NDUFA10: variants seen among roughly 807,000 people sequenced by gnomAD.
NDUFA10 encodes the protein NADH:ubiquinone oxidoreductase subunit A10.
Under a neutral mutation model 47.8 loss-of-function variants are expected in NDUFA10, and 40 were observed. That is an observed-to-expected ratio of 0.84 (90% confidence interval 0.65 to 1.09). The LOEUF (loss-of-function observed/expected upper bound fraction) is 1.09, where lower values mean the gene tolerates loss of function less well. Ranked by LOEUF, NDUFA10 falls within the 50% of genes least tolerant of loss-of-function variation. The pLI is 0.00. For missense variants in NDUFA10, 413 were observed against 451.1 expected, an observed-to-expected ratio of 0.92 and a Z score of 0.76; for synonymous variants, 183 against 172.2, an observed-to-expected ratio of 1.06 and a Z score of -0.49.
intron 9 of NDUFA10, among the ~76,000 whole-genome samples, chr2:239,982,385 T>C (rs1695814842): frequency 6.6e-6 from 1 of 152,272 alleles, no homozygotes; most frequent in South Asian, 2.1e-4. Flanking sequence ...AACGTGTAAT[T>C]ATAGAAAACA....
chr2:239,943,630 G>C (rs778077684), intron 4 of NDUFA10, among the ~76,000 whole-genome samples: 1 of 152,132 alleles, frequency 6.6e-6, no homozygotes, highest in Non-Finnish European at 1.5e-5. Context: ...TGCTGTCTTT[G>C]ACATTTTTTT....
intron 4 of NDUFA10, among the ~76,000 whole-genome samples, chr2:239,914,591 ACAT>A (rs1693812184): frequency 6.8e-6 from 1 of 147,144 alleles, no homozygotes; most frequent in African/African-American, 2.7e-5. Context: ...ACACATACAT[ACAT>A]AGACACACAC....
At chr2:239,904,693 G>A (rs939402249) in intron 4 of NDUFA10, among the ~76,000 whole-genome samples, 4 of 152,206 alleles carry the variant, frequency 2.6e-5, no homozygotes, top group African/African-American at 9.6e-5. Flanking sequence ...CCCCAGCCTG[G>A]TGCATCAGTG....
chr2:239,903,718 G>A (rs1317048758), intron 4 of NDUFA10, among the ~76,000 whole-genome samples: 3 of 152,184 alleles, frequency 2.0e-5, no homozygotes, highest in Non-Finnish European at 4.4e-5. Flanking sequence ...CCCATTTCCT[G>A]CAATTTCCTT....
At chr2:239,902,733 T>C (rs1356100904) in intron 4 of NDUFA10, among the ~76,000 whole-genome samples, 1 of 152,092 alleles carries the variant, frequency 6.6e-6, no homozygotes, top group Non-Finnish European at 1.5e-5. Context: ...TGTGGGACCT[T>C]AGGCAAAGGT....
At chr2:239,931,264 G>A (rs183320365) in intron 4 of NDUFA10, among the ~76,000 whole-genome samples, 21 of 152,240 alleles carry the variant, frequency 1.4e-4, no homozygotes, top group Admixed American at 1.0e-3. Context: ...AAGCTGTTCC[G>A]GGCCTCTCTG....
At chr2:240,014,650 A>T in intron 5 of NDUFA10, 89 bp downstream of exon 5, 1 of 1,574,126 alleles carries the variant, frequency 6.4e-7, no homozygotes. Context: ...ACTGGTAGGA[A>T]TTAGTATAAA....
At chr2:239,991,641 T>C (rs1181110096) in intron 8 of NDUFA10, among the ~76,000 whole-genome samples, 3 of 152,242 alleles carry the variant, frequency 2.0e-5, no homozygotes, top group South Asian at 2.1e-4. Context: ...GCATTCTATC[T>C]AAACACTTCC....
intron 4 of NDUFA10, among the ~76,000 whole-genome samples, chr2:240,017,324 C>A (rs555606493): frequency 1.3e-5 from 2 of 152,278 alleles, no homozygotes; most frequent in East Asian, 3.9e-4. Flanking sequence ...TAGGACACCA[C>A]CACCAGCCTG....
At chr2:240,004,786 C>T (rs1696882227) in intron 8 of NDUFA10, among the ~76,000 whole-genome samples, 1 of 152,166 alleles carries the variant, frequency 6.6e-6, no homozygotes, top group African/African-American at 2.4e-5. Context: ...CCTGGCCTCA[C>T]TTAGGCCTCA....
At chr2:239,947,190 G>C (rs1030963244) in intron 4 of NDUFA10, among the ~76,000 whole-genome samples, 2 of 152,236 alleles carry the variant, frequency 1.3e-5, no homozygotes, top group African/African-American at 2.4e-5. Flanking sequence ...CGTCCCGCCT[G>C]CTCACACTGC....
intron 9 of NDUFA10, among the ~76,000 whole-genome samples, chr2:239,989,807 G>C (rs1409020944): frequency 6.6e-6 from 1 of 152,230 alleles, no homozygotes; most frequent in Non-Finnish European, 1.5e-5. Context: ...CTGATGAACA[G>C]AGTGTTCTCC....
At chr2:239,980,481 TG>T (rs1695727823) in intron 9 of NDUFA10, among the ~76,000 whole-genome samples, 1 of 152,220 alleles carries the variant, frequency 6.6e-6, no homozygotes, top group East Asian at 1.9e-4. Flanking sequence ...TTCTGCATTC[TG>T]GGGGACTGTT....
intron 9 of NDUFA10, among the ~76,000 whole-genome samples, chr2:239,965,886 G>A (rs6760306): frequency 0.015 from 2,292 of 152,204 alleles, 48 homozygotes; most frequent in African/African-American, 0.052. Context: ...AGTTTCCCTC[G>A]CTGGATCTCT....
In NDUFA10 at chr2:239,959,425, T is replaced by C. The variant is rs1203937951; in HGVS notation, c.*1693A>G. The C allele has an allele frequency of 2.0e-6, 2 of 985,366 alleles. No homozygotes were observed. The highest frequency in any genetic ancestry group is 1.7e-5 in the African/African-American group (1 of 57,260). 61.0% of individuals were successfully genotyped at this position (985,366 alleles called of 1,614,324 possible). On this transcript the variant is annotated 3_prime_UTR_variant, in exon 10 of 10. Transcript: ENST00000252711. The stretch of plus-strand genomic sequence containing the variant: ...AGATAATTAAAGATGGCTTTCTTTT[T>C]CTTTCCTCCCCTCCACAATGGGTTT...
chr2:239,918,628 C>G (rs1036808128), intron 4 of NDUFA10, among the ~76,000 whole-genome samples: 1 of 152,238 alleles, frequency 6.6e-6, no homozygotes, highest in African/African-American at 2.4e-5. Context: ...AGAAAGCCCC[C>G]AGCTCTGGAG....
intron 9 of NDUFA10, among the ~76,000 whole-genome samples, chr2:239,975,902 C>T (rs1016406938): frequency 5.9e-5 from 9 of 152,180 alleles, no homozygotes; most frequent in African/African-American, 2.2e-4. Flanking sequence ...CTGTTCCCAA[C>T]CAAAGCCACA....
At chr2:239,913,246 C>T (rs749325829) in intron 4 of NDUFA10, among the ~76,000 whole-genome samples, 18 of 152,242 alleles carry the variant, frequency 1.2e-4, no homozygotes, top group Non-Finnish European at 2.4e-4. Flanking sequence ...GGGGAGTGAC[C>T]CAGGTGGGAG....
chr2:239,908,815 C>T (rs925063110), intron 4 of NDUFA10, among the ~76,000 whole-genome samples: 34 of 152,186 alleles, frequency 2.2e-4, no homozygotes, highest in African/African-American at 8.2e-4. Context: ...TGGGGTTGCA[C>T]ACCACGACAG....
Sources: gnomAD v4.1 joint callset for allele counts (sites outside exome capture counted in the v4.1 genomes callset) on GRCh38, gnomAD v4.1.1 for gene constraint, MANE v1.5 for transcripts, NCBI Gene and HGNC (gene_info 2026-07-23, HGNC 2026-07-21) for gene names.